The following ATF2 variants were observed in gnomAD, a reference collection of about 807,000 sequenced individuals.
ATF2 encodes activating transcription factor 2.
In ATF2, 24 loss-of-function variants were observed where a neutral mutation model predicts 60.6. That is an observed-to-expected ratio of 0.40 (90% confidence interval 0.29 to 0.56). The LOEUF is 0.56. Among genes scored for constraint, ATF2 ranks in the 20% least tolerant of loss-of-function variants. The probability of loss-of-function intolerance (pLI) is 0.54; values close to 1 mark genes in which losing one functional copy is unlikely to be tolerated. For missense variants in ATF2, 433 were observed against 607.7 expected (o/e 0.71, Z 3.02); for synonymous variants, 206 against 215.4 (o/e 0.96, Z 0.38).
intron 7 of ATF2, 151 bp from the exon 8 acceptor site, chr2:175,115,019 G>GTT: frequency 1.5e-6 from 1 of 656,168 alleles, no homozygotes. Flanking sequence ...GAACATTTTA[G>GTT]AAGAGCTGTA....
intron 12 of ATF2, among the ~76,000 whole-genome samples, chr2:175,087,227 G>C (rs559087400): frequency 6.6e-6 from 1 of 152,122 alleles, no homozygotes; most frequent in South Asian, 2.1e-4. Flanking sequence ...TTCTGAAGAT[G>C]AAGTAAAATA....
chr2:175,136,383 G>A (rs958814825), intron 3 of ATF2, 29 bp downstream of exon 3: 1 of 1,601,774 alleles, frequency 6.2e-7, no homozygotes, highest in Non-Finnish European at 8.5e-7. Flanking sequence ...GTAAAAAATG[G>A]CTAAAAATAC....
At chr2:175,127,807 A>ATC (rs1261873777) in intron 4 of ATF2, among the ~76,000 whole-genome samples, 3 of 152,186 alleles carry the variant, frequency 2.0e-5, no homozygotes, top group Admixed American at 1.3e-4. Flanking sequence ...TGGTTAACCT[A>ATC]TCTAAAATTG....
intron 10 of ATF2, among the ~76,000 whole-genome samples, chr2:175,099,396 C>T (rs1486002545): frequency 6.6e-6 from 1 of 152,112 alleles, no homozygotes; most frequent in African/African-American, 2.4e-5. Flanking sequence ...AGCCATCGTG[C>T]CTGGCCTCTA....
At chr2:175,145,923 A>G (rs1286052113) in intron 2 of ATF2, among the ~76,000 whole-genome samples, 1 of 152,210 alleles carries the variant, frequency 6.6e-6, no homozygotes, top group African/African-American at 2.4e-5. Flanking sequence ...AAGAAATAGG[A>G]TATTTATATC....
intron 1 of ATF2, chr2:175,167,638 G>A: frequency 8.1e-6 from 4 of 496,818 alleles, no homozygotes; most frequent in South Asian, 6.0e-5. Context: ...CAAGGACTGT[G>A]GGTGGGAGAG....
chr2:175,074,889 C>A, intron 13 of ATF2, 54 bp from the exon 14 acceptor site: 2 of 1,600,754 alleles, frequency 1.2e-6, no homozygotes, highest in Non-Finnish European at 1.7e-6. Flanking sequence ...AAGAATGCAC[C>A]AGTATGCTGA....
intron 1 of ATF2, among the ~76,000 whole-genome samples, chr2:175,156,900 TAAGA>T (rs1699725693): frequency 6.6e-6 from 1 of 152,120 alleles, no homozygotes; most frequent in African/African-American, 2.4e-5. Context: ...ATTAATACGG[TAAGA>T]AGAGTTGTAA....
At chr2:175,104,516 G>A (rs140645834) in intron 10 of ATF2, among the ~76,000 whole-genome samples, 144 of 152,260 alleles carry the variant, frequency 9.5e-4, no homozygotes, top group African/African-American at 3.1e-3. Context: ...ATCACTTAAT[G>A]TGTAACATGA....
intron 13 of ATF2, among the ~76,000 whole-genome samples, chr2:175,076,162 A>ATT (rs1213154521): frequency 2.0e-5 from 3 of 152,158 alleles, no homozygotes; most frequent in Non-Finnish European, 4.4e-5. Flanking sequence ...AAAATTATTA[A>ATT]TTTTGTGCAT....
At chr2:175,094,402 CGAAA>C (rs1345827065) in intron 11 of ATF2, among the ~76,000 whole-genome samples, 3 of 9,216 alleles carry the variant, frequency 3.3e-4, no homozygotes, top group African/African-American at 1.2e-3. Context: ...TCAAAAAATA[CGAAA>C]AAAAAAAAAA....
At chr2:175,136,024 T>A (rs73973700) in intron 3 of ATF2, among the ~76,000 whole-genome samples, 2 of 140,664 alleles carry the variant, frequency 1.4e-5, no homozygotes, top group African/African-American at 2.7e-5. Flanking sequence ...TGTTTTTTTT[T>A]TTTTTTTTTG....
chr2:175,142,045 T>C (rs1698581502), intron 2 of ATF2, among the ~76,000 whole-genome samples: 2 of 151,948 alleles, frequency 1.3e-5, no homozygotes. Context: ...GAAAAAAACC[T>C]ACAAAATATA....
chr2:175,099,410 A>G (rs902183879), intron 10 of ATF2, among the ~76,000 whole-genome samples: 22 of 152,030 alleles, frequency 1.4e-4, no homozygotes, highest in Admixed American at 1.3e-4. Context: ...GCCTCTATTG[A>G]ATTTTAACAA....
rs1252143756 is a variant in ATF2, at chr2:175,097,441, T to C, written c.978+3A>G. 2 of 1,613,830 alleles carry C rather than the reference T, an allele frequency of 1.2e-6. No homozygotes were observed. Among genetic ancestry groups the C allele is most frequent in the South Asian group, 1.1e-5 (1 of 91,040 alleles). On this transcript the variant is annotated splice_donor_region_variant and intron_variant, in intron 11 of 13. Coordinates refer to ENST00000264110, the MANE Select transcript of ATF2 (RefSeq NM_001880.4). ...TGCTGAATAATAAAAACAACACACA[T>C]ACCGGAGTTTCTGTAGTGGATGTGG... is the stretch of plus-strand genomic sequence containing the variant.
intron 10 of ATF2, among the ~76,000 whole-genome samples, chr2:175,101,774 G>A (rs538169037): frequency 6.6e-6 from 1 of 152,270 alleles, no homozygotes; most frequent in African/African-American, 2.4e-5. Context: ...ATCCAGTGAG[G>A]AAGCTCTAAT....
At chr2:175,165,473 C>T (rs1700294087) in intron 1 of ATF2, among the ~76,000 whole-genome samples, 1 of 152,166 alleles carries the variant, frequency 6.6e-6, no homozygotes, top group Non-Finnish European at 1.5e-5. Context: ...ACGTATGTAT[C>T]ATTAAAACCG....
chr2:175,129,721 A>C (rs1697595533), intron 4 of ATF2, among the ~76,000 whole-genome samples: 1 of 152,112 alleles, frequency 6.6e-6, no homozygotes, highest in African/African-American at 2.4e-5. Flanking sequence ...TAACAACATT[A>C]ATACATTAGT....
chr2:175,137,924 C>T (rs573379306), intron 2 of ATF2, among the ~76,000 whole-genome samples: 12 of 152,266 alleles, frequency 7.9e-5, no homozygotes, highest in Admixed American at 5.9e-4. Flanking sequence ...GGCTTAAATG[C>T]TATCTCTTTG....
Sources: gnomAD v4.1 joint callset for allele counts (sites outside exome capture counted in the v4.1 genomes callset) on GRCh38, gnomAD v4.1.1 for gene constraint, MANE v1.5 for transcripts, NCBI Gene and HGNC (gene_info 2026-07-23, HGNC 2026-07-21) for gene names.